The following STK31 variants were observed in gnomAD, a reference collection of about 807,000 sequenced individuals.
The protein encoded by STK31 is serine/threonine-protein kinase 31.
STK31 carries 89 observed loss-of-function variants against 129.7 expected under a neutral mutation model. The ratio of observed to expected loss-of-function variants is 0.69; its 90% confidence interval spans 0.58 to 0.82. The LOEUF (loss-of-function observed/expected upper bound fraction) is 0.82, where lower values mean the gene tolerates loss of function less well. Ranked by LOEUF, STK31 falls within the 40% of genes least tolerant of loss-of-function variation. The pLI, the probability that STK31 is intolerant of heterozygous loss-of-function variation, is 0.00. For missense variants in STK31, 1,187 were observed against 1,176.4 expected (o/e 1.01, Z -0.13); for synonymous variants, 448 against 395.3 (o/e 1.13, Z -1.58).
chr7:23,781,646 A>G, intron 16 of STK31, 126 bp downstream of exon 16: 1 of 572,470 alleles, frequency 1.7e-6, no homozygotes, highest in East Asian at 3.3e-5. Flanking sequence ...TTATATATAT[A>G]TTGACCTGGT....
chr7:23,813,525 C>G (rs1793278349), intron 22 of STK31, among the ~76,000 whole-genome samples: 2 of 152,108 alleles, frequency 1.3e-5, no homozygotes, highest in African/African-American at 4.8e-5. Flanking sequence ...CAGGCAGTCA[C>G]CTTGTTTAGG....
chr7:23,713,000 A>G (rs1428309730), intron 3 of STK31, among the ~76,000 whole-genome samples: 1 of 152,182 alleles, frequency 6.6e-6, no homozygotes, highest in African/African-American at 2.4e-5. Context: ...TAAGGAGAAT[A>G]TATGAGAAGA....
intron 6 of STK31, among the ~76,000 whole-genome samples, chr7:23,729,654 C>CGTGATCTCGG (rs1300689892): frequency 1.5e-5 from 2 of 132,778 alleles, no homozygotes; most frequent in Admixed American, 7.0e-5. Flanking sequence ...GGATTACAGG[C>CGTGATCTCGG]CTGTGCCACC....
chr7:23,826,976 T>C (rs1382931298), intron 23 of STK31, among the ~76,000 whole-genome samples: 1 of 152,212 alleles, frequency 6.6e-6, no homozygotes, highest in Non-Finnish European at 1.5e-5. Flanking sequence ...GTTAGTCTGA[T>C]GGGCTTCCCT....
intron 8 of STK31, among the ~76,000 whole-genome samples, chr7:23,746,863 TACTA>T (rs1170442971): frequency 3.9e-5 from 6 of 151,928 alleles, no homozygotes; most frequent in Admixed American, 1.3e-4. Context: ...TTATTTAACT[TACTA>T]ACTTATTTAA....
chr7:23,802,867 T>C (rs941165384), intron 22 of STK31, among the ~76,000 whole-genome samples: 3 of 152,208 alleles, frequency 2.0e-5, no homozygotes, highest in Admixed American at 1.3e-4. Flanking sequence ...AAAGCCCTGC[T>C]GTGATTTTGA....
chr7:23,756,059 A>C (rs1357628491), intron 10 of STK31, among the ~76,000 whole-genome samples: 2 of 152,182 alleles, frequency 1.3e-5, no homozygotes, highest in African/African-American at 4.8e-5. Context: ...TGATGGGAAT[A>C]GCATTGGTTC....
At position 23,826,488 on chromosome 7, in the gene STK31, G is replaced by A. The variant is rs867542533; in HGVS notation, c.2830-5648G>A. On this transcript the variant is annotated intron_variant, in intron 23 of 23. Coordinates refer to ENST00000355870, the MANE Select transcript of STK31 (RefSeq NM_031414.5). ...CCATCCCTTTATTTTGAGCCTATGTGTGTCTCTGCACGTGAGATGGGTTTC... is the reference window on the plus strand; with the variant it reads ...CCATCCCTTTATTTTGAGCCTATGTATGTCTCTGCACGTGAGATGGGTTTC... 2.0e-5 allele frequency among the ~76,000 whole-genome samples: 3 copies of A among 152,182 alleles called. 1 individual carries two copies. The highest frequency in any genetic ancestry group is 4.1e-4 in the South Asian group (2 of 4,820).
At chr7:23,774,172 A>G (rs1562591102) in intron 15 of STK31, among the ~76,000 whole-genome samples, 1 of 152,170 alleles carries the variant, frequency 6.6e-6, no homozygotes, top group Non-Finnish European at 1.5e-5. Context: ...TTCTTAATCC[A>G]GTCTATTATT....
rs201002508 is a variant in STK31 at position 23,752,580 on chromosome 7, A to G, written c.1018-137A>G. Reference sequence around the variant, plus strand: ...GGTCTCAAACTTCTGAGCTCAAACCATCTGTCCTCCTTGGCCTCCCAAAGT... The same window carrying G: ...GGTCTCAAACTTCTGAGCTCAAACCGTCTGTCCTCCTTGGCCTCCCAAAGT... On this transcript the variant is annotated intron_variant, in intron 8 of 23. Coordinates refer to ENST00000355870, the MANE Select transcript of STK31 (RefSeq NM_031414.5). The G allele has an allele frequency of 3.5e-5, 23 of 665,230 alleles. No homozygotes were observed. In the East Asian group the frequency reaches 4.9e-4, roughly 14 times the overall value. 41.2% of individuals were successfully genotyped at this position (665,230 alleles called of 1,614,324 possible).
chr7:23,809,819 C>A (rs1242602247), intron 22 of STK31, among the ~76,000 whole-genome samples: 3 of 93,580 alleles, frequency 3.2e-5, no homozygotes, highest in African/African-American at 1.1e-4. Flanking sequence ...GGGGTTGTAA[C>A]CTTGGAGCGG....
intron 10 of STK31, chr7:23,755,085 A>T (rs1019092366): frequency 2.6e-5 from 4 of 152,220 alleles, no homozygotes; most frequent in African/African-American, 9.6e-5. Flanking sequence ...ATCGTCTTCC[A>T]CAATGGTTGA....
At chr7:23,781,636 T>TTA (rs1334140650) in intron 16 of STK31, 116 bp downstream of exon 16, 37 of 644,878 alleles carry the variant, frequency 5.7e-5, no homozygotes, top group East Asian at 9.1e-5. Flanking sequence ...TATAGAAAGT[T>TTA]TATATATATA....
chr7:23,811,499 G>A, intron 22 of STK31: 1 of 276,698 alleles, frequency 3.6e-6, no homozygotes. Context: ...GGGTCCTTCA[G>A]TAGAGGCATT....
chr7:23,773,085 T>C (rs1261673999), intron 15 of STK31, among the ~76,000 whole-genome samples: 1 of 152,184 alleles, frequency 6.6e-6, no homozygotes, highest in African/African-American at 2.4e-5. Context: ...GGGATACATG[T>C]GCAGAATGTG....
At chr7:23,723,285 T>C (rs1786838599) in intron 4 of STK31, among the ~76,000 whole-genome samples, 1 of 152,230 alleles carries the variant, frequency 6.6e-6, no homozygotes, top group Admixed American at 6.5e-5. Flanking sequence ...TCTATATTAA[T>C]GGAGAATGAG....
intron 8 of STK31, among the ~76,000 whole-genome samples, chr7:23,747,237 G>C (rs191180928): frequency 6.6e-6 from 1 of 152,038 alleles, no homozygotes; most frequent in Admixed American, 6.5e-5. Context: ...ACTGAGAATT[G>C]GTATAGTTTT....
At chr7:23,725,372 CAAAAA>C (rs57280021) in intron 4 of STK31, among the ~76,000 whole-genome samples, 11 of 57,756 alleles carry the variant, frequency 1.9e-4, no homozygotes, top group South Asian at 8.9e-4. Flanking sequence ...CCTGTTTCTA[CAAAAA>C]AAAAAAAAAA....
intron 23 of STK31, among the ~76,000 whole-genome samples, chr7:23,821,679 G>A (rs1793792475): frequency 6.6e-6 from 1 of 151,990 alleles, no homozygotes; most frequent in African/African-American, 2.4e-5. Context: ...GTCTCTTTTT[G>A]TTTTTGTTGC....
Sources: gnomAD v4.1 joint callset for allele counts (sites outside exome capture counted in the v4.1 genomes callset) on GRCh38, gnomAD v4.1.1 for gene constraint, MANE v1.5 for transcripts, NCBI Gene and HGNC (gene_info 2026-07-23, HGNC 2026-07-21) for gene names.